Variants in TENM3 observed in about 807,000 individuals in gnomAD.
TENM3 encodes teneurin-3.
TENM3 carries 63 observed loss-of-function variants against 255.1 expected under a neutral mutation model. That is an observed-to-expected ratio of 0.25 (90% CI 0.20 to 0.30). The LOEUF (loss-of-function observed/expected upper bound fraction) is 0.30, where lower values mean the gene tolerates loss of function less well. Ranked by LOEUF, TENM3 falls within the 10% of genes least tolerant of loss-of-function variation. The pLI, the probability that TENM3 is intolerant of heterozygous loss-of-function variation, is 1.00. For synonymous variants in TENM3, 1,306 were observed against 1,322.3 expected (o/e 0.99, Z 0.27); for missense variants, 2,929 against 3,461.1 (o/e 0.85, Z 3.86).
chr4:182,753,372 G>A, intron 20 of TENM3, 78 bp from the exon 21 acceptor site: 1 of 1,271,302 alleles, frequency 7.9e-7, no homozygotes, highest in Non-Finnish European at 1.1e-6. Context: ...AAATAACTGA[G>A]TTTAATAATG....
the TENM3 span, among the ~76,000 whole-genome samples, chr4:181,568,293 A>G: frequency 1.3e-5 from 2 of 151,470 alleles, no homozygotes; most frequent in South Asian, 4.2e-4. Flanking sequence ...CCTCCCGAGT[A>G]GCTGAGATTA....
intron 3 of TENM3, among the ~76,000 whole-genome samples, chr4:182,433,122 G>C (rs184825940): frequency 2.0e-5 from 3 of 152,300 alleles, no homozygotes; most frequent in Admixed American, 6.5e-5. Context: ...AGCAGAGGTA[G>C]TGATTGTGGT....
chr4:181,536,187 T>C, the TENM3 span, among the ~76,000 whole-genome samples: 6 of 152,240 alleles, frequency 3.9e-5, no homozygotes, highest in East Asian at 1.9e-4. Flanking sequence ...TATTTAACAT[T>C]AGTGTCTTTC....
the TENM3 span, among the ~76,000 whole-genome samples, chr4:181,802,939 C>T: frequency 6.6e-6 from 1 of 152,150 alleles, no homozygotes; most frequent in African/African-American, 2.4e-5. Flanking sequence ...TTACTTTTCT[C>T]ATCTACCAAC....
intron 13 of TENM3, among the ~76,000 whole-genome samples, chr4:182,719,355 G>A (rs528022677): frequency 4.2e-5 from 6 of 142,056 alleles, no homozygotes; most frequent in South Asian, 2.3e-4. Flanking sequence ...TCCGCCTGCC[G>A]GGTTCAAGGG....
chr4:182,547,749 C>A (rs1364023652), intron 3 of TENM3, among the ~76,000 whole-genome samples: 1 of 152,126 alleles, frequency 6.6e-6, no homozygotes, highest in Non-Finnish European at 1.5e-5. Flanking sequence ...CTTTTTGTGT[C>A]ATGTAAGGAA....
At chr4:181,577,050 T>C in the TENM3 span, among the ~76,000 whole-genome samples, 2 of 124,672 alleles carry the variant, frequency 1.6e-5, no homozygotes, top group African/African-American at 2.9e-5. Flanking sequence ...TATTATATAA[T>C]AATAAATTAT....
chr4:181,759,889 T>C, the TENM3 span, among the ~76,000 whole-genome samples: 40 of 152,190 alleles, frequency 2.6e-4, no homozygotes, highest in South Asian at 8.3e-3. Context: ...AAACTCTTCC[T>C]AACAGCCTTT....
chr4:182,038,575 C>A, the TENM3 span, among the ~76,000 whole-genome samples: 1 of 152,124 alleles, frequency 6.6e-6, no homozygotes, highest in Non-Finnish European at 1.5e-5. Context: ...GCACTTAAAG[C>A]ATCTGGCACT....
At chr4:182,252,849 A>C (rs916199387) in intron 1 of TENM3, among the ~76,000 whole-genome samples, 19 of 152,120 alleles carry the variant, frequency 1.2e-4, no homozygotes, top group Non-Finnish European at 2.5e-4. Flanking sequence ...CAGTCCTTTC[A>C]ATTTGGAGCA....
chr4:182,175,560 T>G lies in TENM3; in HGVS notation c.-76+30806T>G, dbSNP rs527663926. Among the ~76,000 whole-genome samples the G allele has an allele frequency of 2.6e-4, 39 of 152,250 alleles. No individual in the cohort carries two copies. In the East Asian group the frequency reaches 7.3e-3, roughly 29 times the overall value. On this transcript the variant is annotated intron_variant, in intron 1 of 2. Coordinates refer to the TENM3 transcript ENST00000512480. ...GAAAATAACTAAGAGGCGACCCTCCTGCTTTTTCCCCTGCCAAGGAGATAC... is the reference window on the plus strand; with the variant it reads ...GAAAATAACTAAGAGGCGACCCTCCGGCTTTTTCCCCTGCCAAGGAGATAC...
chr4:181,479,733 T>A, the TENM3 span, among the ~76,000 whole-genome samples: 1 of 152,158 alleles, frequency 6.6e-6, no homozygotes, highest in South Asian at 2.1e-4. Context: ...GTTCTCCATG[T>A]ATGTATATAT....
chr4:182,509,114 T>C (rs1204379421), intron 3 of TENM3, among the ~76,000 whole-genome samples: 2 of 152,224 alleles, frequency 1.3e-5, no homozygotes, highest in Non-Finnish European at 2.9e-5. Context: ...TGTGATAATC[T>C]AGCAGGGATC....
the TENM3 span, among the ~76,000 whole-genome samples, chr4:181,463,370 A>G: frequency 6.6e-6 from 1 of 152,112 alleles, no homozygotes; most frequent in Non-Finnish European, 1.5e-5. Flanking sequence ...TCTCTATTTT[A>G]TCATAGTCTA....
the TENM3 span, among the ~76,000 whole-genome samples, chr4:181,929,841 T>C: frequency 2.9e-3 from 435 of 152,284 alleles, no homozygotes; most frequent in African/African-American, 9.8e-3. Flanking sequence ...CAGACCACAG[T>C]GCAATCAAAT....
the TENM3 span, among the ~76,000 whole-genome samples, chr4:181,888,520 A>ATATATATATATATATATATATATGTG: frequency 4.3e-5 from 4 of 92,168 alleles, no homozygotes; most frequent in African/African-American, 2.2e-4. Context: ...ATATATGTAT[A>ATATATATATATATATATATATATGTG]TATATACATA....
At chr4:181,453,140 A>G in the TENM3 span, among the ~76,000 whole-genome samples, 1 of 152,204 alleles carries the variant, frequency 6.6e-6, no homozygotes, top group Non-Finnish European at 1.5e-5. Flanking sequence ...ATAGCTGTGC[A>G]AGGAACAAAG....
intron 16 of TENM3, among the ~76,000 whole-genome samples, chr4:182,733,293 T>A (rs1760914911): frequency 6.6e-6 from 1 of 152,226 alleles, no homozygotes; most frequent in Non-Finnish European, 1.5e-5. Flanking sequence ...CGGCAGTGAA[T>A]AAATCACAAG....
intron 3 of TENM3, among the ~76,000 whole-genome samples, chr4:182,380,464 A>G (rs185742228): frequency 2.0e-4 from 30 of 152,340 alleles, no homozygotes; most frequent in East Asian, 7.7e-4. Flanking sequence ...CAGCTAGTGC[A>G]GTGCCTGGCA....
Sources: gnomAD v4.1 joint callset for allele counts (sites outside exome capture counted in the v4.1 genomes callset) on GRCh38, gnomAD v4.1.1 for gene constraint, MANE v1.5 for transcripts, NCBI Gene and HGNC (gene_info 2026-07-23, HGNC 2026-07-21) for gene names.